The following NDUFAF2 variants were observed in gnomAD, a reference collection of about 807,000 sequenced individuals.
NDUFAF2 encodes NADH dehydrogenase [ubiquinone] 1 alpha subcomplex assembly factor 2.
NDUFAF2 carries 13 observed loss-of-function variants against 22.8 expected under a neutral mutation model. The ratio of observed to expected loss-of-function variants is 0.57; its 90% CI spans 0.37 to 0.91. The LOEUF is 0.91. Ranked by LOEUF, NDUFAF2 falls within the 40% of genes least tolerant of loss-of-function variation. NDUFAF2 has a pLI of 0.01. For synonymous variants in NDUFAF2, 53 were observed against 64.2 expected (o/e 0.83, Z 0.84); for missense variants, 162 against 195.2 (o/e 0.83, Z 1.01).
Position 60,950,522 on chromosome 5 carries a change from T to A in NDUFAF2, c.127+5140T>A, listed in dbSNP as rs555629342. The stretch of plus-strand genomic sequence containing the variant: ...TTGTTAAGTGTGGTGTTAGCTATAA[T>A]TTTTTAGATACCTTTTATTAAATTA... On this transcript the variant is annotated intron_variant, in intron 1 of 3. Coordinates refer to ENST00000296597, the MANE Select transcript of NDUFAF2 (RefSeq NM_174889.5). 1.9e-4 allele frequency among the ~76,000 whole-genome samples: 29 copies of A among 152,216 alleles called. 1 individual carries two copies. Among genetic ancestry groups the A allele is most frequent in the African/African-American group, 7.0e-4 (29 of 41,532 alleles).
chr5:61,042,572 G>T (rs1004428284), intron 1 of NDUFAF2, among the ~76,000 whole-genome samples: 1 of 152,180 alleles, frequency 6.6e-6, no homozygotes. Context: ...GAACTTACCA[G>T]ATGGGACTGC....
intron 2 of NDUFAF2, among the ~76,000 whole-genome samples, chr5:61,085,128 A>G (rs1752491247): frequency 6.6e-6 from 1 of 152,204 alleles, no homozygotes; most frequent in Non-Finnish European, 1.5e-5. Context: ...TATCCTACAT[A>G]AACATAGATG....
chr5:60,997,567 G>C lies in NDUFAF2; in HGVS notation c.127+52185G>C, dbSNP rs561914097. Reference sequence around the variant, plus strand: ...CATACCTTTGATTCATAAACTGGAAGGTTAGTCTTGACAACATTTTGATAT... The same window carrying C: ...CATACCTTTGATTCATAAACTGGAACGTTAGTCTTGACAACATTTTGATAT... On this transcript the variant is annotated intron_variant, in intron 1 of 3. Coordinates refer to ENST00000296597, the MANE Select transcript of NDUFAF2 (RefSeq NM_174889.5). 3.3e-4 allele frequency among the ~76,000 whole-genome samples: 50 copies of C among 152,040 alleles called. 1 individual carries two copies. The highest frequency in any genetic ancestry group is 6.5e-4 in the Non-Finnish European group (44 of 68,012).
rs142547801 is a variant in NDUFAF2 at position 61,066,479 on chromosome 5, T to C, written c.128-6646T>C. Among the ~76,000 whole-genome samples, 249 of 152,192 alleles carry C rather than the reference T, an allele frequency of 1.6e-3. 2 individuals are homozygous for C. In the East Asian group the frequency reaches 0.023, roughly 14 times the overall value. ...AACACTTACTTTCTGATTTAAAATT[T>C]TATTACAGAGCTATAGTAATCAAAA... On this transcript the variant is annotated intron_variant, in intron 1 of 3. Transcript: ENST00000296597.
intron 1 of NDUFAF2, among the ~76,000 whole-genome samples, chr5:61,052,455 C>T (rs879549347): frequency 2.6e-5 from 4 of 152,214 alleles, no homozygotes; most frequent in South Asian, 2.1e-4. Context: ...GAACTACAGG[C>T]GCCCGCCACC....
intron 1 of NDUFAF2, among the ~76,000 whole-genome samples, chr5:61,021,528 T>G (rs1423936290): frequency 6.6e-6 from 1 of 152,206 alleles, no homozygotes; most frequent in Non-Finnish European, 1.5e-5. Flanking sequence ...TTTTGCCATG[T>G]AAGGTAACAG....
At chr5:61,008,609 A>AGT (rs1751403944) in intron 1 of NDUFAF2, among the ~76,000 whole-genome samples, 1 of 152,122 alleles carries the variant, frequency 6.6e-6, no homozygotes, top group Admixed American at 6.6e-5. Flanking sequence ...ATGCATTGTG[A>AGT]GTAGTAAATG....
At chr5:60,971,666 A>G (rs534820495) in intron 1 of NDUFAF2, among the ~76,000 whole-genome samples, 9 of 135,498 alleles carry the variant, frequency 6.6e-5, no homozygotes, top group Non-Finnish European at 1.4e-4. Context: ...CCTGTGTCCA[A>G]GTGTTCTCAT....
intron 1 of NDUFAF2, among the ~76,000 whole-genome samples, chr5:60,956,870 TA>T (rs1309106551): frequency 1.3e-4 from 20 of 152,326 alleles, no homozygotes; most frequent in African/African-American, 4.1e-4. Flanking sequence ...TTTTATATTT[TA>T]TTTTTTTTAG....
At chr5:61,059,558 C>A (rs867213990) in intron 1 of NDUFAF2, among the ~76,000 whole-genome samples, 2 of 151,986 alleles carry the variant, frequency 1.3e-5, no homozygotes, top group Non-Finnish European at 2.9e-5. Context: ...TAGTTTAAGA[C>A]CTTTTATCTT....
intron 1 of NDUFAF2, among the ~76,000 whole-genome samples, chr5:61,067,155 GTTTC>G (rs1466074375): frequency 6.6e-6 from 1 of 151,836 alleles, no homozygotes; most frequent in Non-Finnish European, 1.5e-5. Flanking sequence ...ATGACTAGAT[GTTTC>G]TTTTTTTTAA....
rs563975595 is a variant in NDUFAF2, at chr5:61,015,305, A to G, written c.128-57820A>G. Among the ~76,000 whole-genome samples, 11 of 152,266 alleles carry G rather than the reference A, an allele frequency of 7.2e-5. No individual in the cohort carries two copies. In the South Asian group the frequency reaches 2.1e-3, roughly 29 times the overall value. ...AATTAATTTTTTTAATTTTTCAGAC[A>G]GGGTCTTGCTCTGTTGCCCAGGCTG... On this transcript the variant is annotated intron_variant, in intron 1 of 3. Coordinates refer to ENST00000296597, the MANE Select transcript of NDUFAF2 (RefSeq NM_174889.5).
At chr5:61,148,311 A>G (rs1011844066) in intron 3 of NDUFAF2, among the ~76,000 whole-genome samples, 6 of 152,150 alleles carry the variant, frequency 3.9e-5, no homozygotes, top group African/African-American at 1.2e-4. Context: ...TGTGCTGCCT[A>G]TTGTCCAGTA....
At position 61,062,860 on chromosome 5, in the gene NDUFAF2, C is replaced by T. The variant is rs183014723; in HGVS notation, c.128-10265C>T. On this transcript the variant is annotated intron_variant, in intron 1 of 3. Coordinates refer to ENST00000296597, the MANE Select transcript of NDUFAF2 (RefSeq NM_174889.5). Reference sequence around the variant, plus strand: ...TCCATTAGACTGTCAGCAGATTTCTCAGCAGAAACCTTGCAGGCCAAGAGA... The same window carrying T: ...TCCATTAGACTGTCAGCAGATTTCTTAGCAGAAACCTTGCAGGCCAAGAGA... Among the ~76,000 whole-genome samples the T allele has an allele frequency of 2.4e-3, 364 of 152,256 alleles. 2 individuals carry two copies. Among genetic ancestry groups the T allele is most frequent in the African/African-American group, 8.4e-3 (347 of 41,530 alleles).
At chr5:61,152,622 A>C (rs1741261596) in intron 3 of NDUFAF2, 82 bp from the exon 4 acceptor site, 1 of 982,060 alleles carries the variant, frequency 1.0e-6, no homozygotes, top group Non-Finnish European at 1.5e-6. Flanking sequence ...TATATAATGT[A>C]TTTTATTTTT....
At chr5:61,054,528 C>T (rs745425727) in intron 1 of NDUFAF2, among the ~76,000 whole-genome samples, 2 of 152,092 alleles carry the variant, frequency 1.3e-5, no homozygotes, top group Non-Finnish European at 1.5e-5. Context: ...GGGCAGTTGA[C>T]GTCACCATTA....
At chr5:61,087,506 A>G (rs541059639) in intron 2 of NDUFAF2, among the ~76,000 whole-genome samples, 5 of 152,200 alleles carry the variant, frequency 3.3e-5, no homozygotes, top group Non-Finnish European at 7.4e-5. Flanking sequence ...AAAACTGACA[A>G]TACATTCATG....
chr5:61,007,178 T>C (rs1751378229), intron 1 of NDUFAF2, among the ~76,000 whole-genome samples: 1 of 152,016 alleles, frequency 6.6e-6, no homozygotes, highest in South Asian at 2.1e-4. Context: ...GTTTTAGACA[T>C]GAAGTCCTTG....
At chr5:60,965,780 TAA>T (rs1561529119) in intron 1 of NDUFAF2, among the ~76,000 whole-genome samples, 1 of 152,186 alleles carries the variant, frequency 6.6e-6, no homozygotes, top group Non-Finnish European at 1.5e-5. Context: ...AATAGACACT[TAA>T]GTTAATTCCC....
Sources: gnomAD v4.1 joint callset for allele counts (sites outside exome capture counted in the v4.1 genomes callset) on GRCh38, gnomAD v4.1.1 for gene constraint, MANE v1.5 for transcripts, NCBI Gene and HGNC (gene_info 2026-07-23, HGNC 2026-07-21) for gene names.